ST18: variants seen among roughly 807,000 people sequenced by gnomAD.
ST18 encodes suppression of tumorigenicity 18 protein.
Under a neutral mutation model 110.0 loss-of-function variants are expected in ST18, and 50 were observed. The ratio of observed to expected loss-of-function variants is 0.45; its 90% CI spans 0.36 to 0.58. The LOEUF is 0.58. ST18 is among the 20% of genes least tolerant of loss of function. The pLI, the probability that ST18 is intolerant of heterozygous loss-of-function variation, is 0.00. For synonymous variants in ST18, 461 were observed against 452.4 expected (o/e 1.02, Z -0.24); for missense variants, 1,306 against 1,280.1 (o/e 1.02, Z -0.31).
intron 23 of ST18, among the ~76,000 whole-genome samples, chr8:52,122,824 G>A (rs2045505984): frequency 8.2e-6 from 1 of 122,516 alleles, no homozygotes; most frequent in South Asian, 2.2e-4. Context: ...TACCAAAATT[G>A]TACTATTTTT....
chr8:52,315,502 T>G (rs528015168), intron 2 of ST18, among the ~76,000 whole-genome samples: 1 of 152,336 alleles, frequency 6.6e-6, no homozygotes, highest in East Asian at 1.9e-4. Flanking sequence ...CCTTAACCTG[T>G]TGGCTTGTTG....
At position 52,113,327 on chromosome 8, in the gene ST18, A is replaced by C; in HGVS notation, c.3015T>G (p.Ser1005Arg). The change falls in exon 26 of 26, where the codon AGT becomes AGG. Residue 1005 changes from serine (S) to arginine (R), a missense_variant. Coordinates refer to ENST00000689386, the MANE Select transcript of ST18 (RefSeq NM_001352837.2). ...TTACATATGCTTCAAAATTCTGCTC[A>C]CTGATAGGTCCCTAAATGGAGACAA... Reference protein sequence around the residue: ...DIQLPQMGPISEQNFEAYVNT... With the variant: ...DIQLPQMGPIREQNFEAYVNT... The C allele has an allele frequency of 6.2e-7, 1 of 1,613,892 alleles. No homozygotes were observed. Among genetic ancestry groups the C allele is most frequent in the South Asian group, 1.1e-5 (1 of 91,014 alleles).
intron 6 of ST18, among the ~76,000 whole-genome samples, chr8:52,216,791 T>C (rs978520763): frequency 7.9e-5 from 12 of 152,178 alleles, no homozygotes; most frequent in African/African-American, 2.7e-4. Context: ...AAATTGCCAA[T>C]GGGTAGGTTT....
intron 2 of ST18, among the ~76,000 whole-genome samples, chr8:52,276,137 C>CAAACACACACAACAT (rs1328417462): frequency 7.1e-3 from 45 of 6,354 alleles, no homozygotes; most frequent in Non-Finnish European, 9.7e-3. Context: ...ACCACACACA[C>CAAACACACACAACAT]ACCACATGCA....
chr8:52,268,643 G>GA (rs1371746665), intron 2 of ST18, among the ~76,000 whole-genome samples: 1 of 152,152 alleles, frequency 6.6e-6, no homozygotes, highest in Non-Finnish European at 1.5e-5. Context: ...GAAATGCACA[G>GA]ATGTGTAATA....
At chr8:52,262,072 AG>A (rs1329060657) in intron 2 of ST18, among the ~76,000 whole-genome samples, 1 of 152,178 alleles carries the variant, frequency 6.6e-6, no homozygotes, top group Non-Finnish European at 1.5e-5. Flanking sequence ...GCATATGTTG[AG>A]GGCCTTCTTG....
At chr8:52,165,591 AGTTT>A (rs1563801507) in intron 11 of ST18, among the ~76,000 whole-genome samples, 1 of 152,160 alleles carries the variant, frequency 6.6e-6, no homozygotes. Flanking sequence ...TTTTCCCTGC[AGTTT>A]GAAGTTCTGC....
At chr8:52,118,232 A>T in intron 24 of ST18, 106 bp downstream of exon 24, 1 of 685,068 alleles carries the variant, frequency 1.5e-6, no homozygotes, top group Non-Finnish European at 2.4e-6. Flanking sequence ...CAGCATATTG[A>T]CTCTAAGTTA....
rs368429198 is a variant in ST18, at chr8:52,322,593, T to A, written c.-465+86735A>T. ...AAATATCACTCAACCCTTTGTCTCA[T>A]CTCTAAGGATGAATTATTTGTCCTG... On this transcript the variant is annotated intron_variant, in intron 2 of 25. Transcript: ENST00000689386. 8.3e-4 allele frequency among the ~76,000 whole-genome samples: 127 copies of A among 152,308 alleles called. 3 individuals carry two copies. The South Asian group carries it at 0.024, about 29-fold the overall frequency.
At chr8:52,406,182 G>T (rs1221517282) in intron 2 of ST18, 2 of 152,180 alleles carry the variant, frequency 1.3e-5, no homozygotes, top group Non-Finnish European at 1.5e-5. Context: ...TCTTTTAAAC[G>T]CAACACAGAA....
chr8:52,376,239 C>T (rs542774915), intron 2 of ST18, among the ~76,000 whole-genome samples: 210 of 152,282 alleles, frequency 1.4e-3, no homozygotes, highest in African/African-American at 4.6e-3. Context: ...TCTAAGGGAC[C>T]GTGTAGTTCA....
intron 2 of ST18, among the ~76,000 whole-genome samples, chr8:52,265,074 A>T (rs1221761688): frequency 1.3e-5 from 2 of 152,218 alleles, no homozygotes; most frequent in Admixed American, 6.5e-5. Flanking sequence ...GCTGAGAATG[A>T]CTGGGTAAGA....
intron 25 of ST18, among the ~76,000 whole-genome samples, chr8:52,114,908 G>T (rs2041997197): frequency 6.6e-6 from 1 of 152,218 alleles, no homozygotes; most frequent in African/African-American, 2.4e-5. Flanking sequence ...CAAGGCACAG[G>T]TTAACTTGTG....
intron 2 of ST18, among the ~76,000 whole-genome samples, chr8:52,321,273 A>G (rs909844218): frequency 4.6e-5 from 7 of 152,210 alleles, no homozygotes; most frequent in Admixed American, 3.3e-4. Context: ...TAGGATGACC[A>G]TTCAATTTCT....
intron 2 of ST18, among the ~76,000 whole-genome samples, chr8:52,347,803 G>A (rs1043946052): frequency 6.6e-6 from 1 of 152,154 alleles, no homozygotes; most frequent in Non-Finnish European, 1.5e-5. Flanking sequence ...GTGGAGCCTG[G>A]ATTCAAATCC....
intron 23 of ST18, 44 bp downstream of exon 23, chr8:52,126,008 C>T: frequency 2.0e-6 from 3 of 1,538,200 alleles, no homozygotes; most frequent in Non-Finnish European, 2.7e-6. Flanking sequence ...GAGCCAGGGT[C>T]TACACCCTGC....
chr8:52,236,217 A>G (rs1274705418), intron 2 of ST18, among the ~76,000 whole-genome samples: 2 of 152,218 alleles, frequency 1.3e-5, no homozygotes, highest in African/African-American at 4.8e-5. Context: ...GCATAGTTAC[A>G]GCATTTAAAT....
Position 52,118,326 on chromosome 8 carries a change from T to A in ST18, c.2859+12A>T. 1 of 1,552,972 alleles carries A rather than the reference T, an allele frequency of 6.4e-7. No homozygotes were observed. The highest frequency in any genetic ancestry group is 8.8e-7 in the Non-Finnish European group (1 of 1,135,210). On this transcript the variant is annotated intron_variant, in intron 24 of 25. Transcript: ENST00000689386. Reference sequence around the variant, plus strand: ...ATTACATTAAGGATCATGAATTACTTCTTTTTTTTACCTGGGTCTGAAGTT... The same window carrying A: ...ATTACATTAAGGATCATGAATTACTACTTTTTTTTACCTGGGTCTGAAGTT...
At chr8:52,335,660 T>A (rs936466408) in intron 2 of ST18, among the ~76,000 whole-genome samples, 19 of 152,218 alleles carry the variant, frequency 1.2e-4, no homozygotes, top group Admixed American at 1.2e-3. Context: ...TGTGGTGTCA[T>A]GTCAGCACTC....
Sources: allele counts gnomAD v4.1 joint callset (sites outside exome capture counted in the v4.1 genomes callset), GRCh38; gene constraint gnomAD v4.1.1; transcripts MANE v1.5; gene names NCBI Gene and HGNC (gene_info 2026-07-23, HGNC 2026-07-21).